Variants in ZFYVE28 observed in about 807,000 individuals in gnomAD.
ZFYVE28 encodes the protein lateral signaling target protein 2 homolog.
A neutral mutation model predicts 82.1 loss-of-function variants in ZFYVE28; 40 were observed. That is an observed-to-expected ratio of 0.49 (90% confidence interval 0.38 to 0.63). The LOEUF (loss-of-function observed/expected upper bound fraction) is 0.63. ZFYVE28 is among the 30% of genes least tolerant of loss of function. The probability of loss-of-function intolerance (pLI) is 0.00; values close to 1 mark genes in which losing one functional copy is unlikely to be tolerated. For missense variants in ZFYVE28, 1,321 were observed against 1,242.1 expected, an observed-to-expected ratio of 1.06 and a Z score of -0.96; for synonymous variants, 612 against 546.1, an observed-to-expected ratio of 1.12 and a Z score of -1.68.
intron 8 of ZFYVE28, among the ~76,000 whole-genome samples, chr4:2,296,956 C>T (rs747017438): frequency 1.6e-4 from 24 of 152,332 alleles, no homozygotes; most frequent in Middle Eastern, 3.4e-3. Context: ...CTCTGTCAGC[C>T]CTGACTGCGC....
Position 2,384,349 on chromosome 4 carries a change from G to A in ZFYVE28, c.40-30276C>T, listed in dbSNP as rs148069525. Among the ~76,000 whole-genome samples, 441 of 152,332 alleles carry A rather than the reference G, an allele frequency of 2.9e-3. 4 individuals carry two copies. The highest frequency in any genetic ancestry group is 9.7e-3 in the African/African-American group (404 of 41,574). ...CCCTACAGATTAAGTTATTCAAGAAGGGTCAGAGGGAAGTGACCACCCGCC... is the reference window on the plus strand; with the variant it reads ...CCCTACAGATTAAGTTATTCAAGAAAGGTCAGAGGGAAGTGACCACCCGCC... On this transcript the variant is annotated intron_variant, in intron 1 of 12. Transcript: ENST00000290974.
intron 1 of ZFYVE28, among the ~76,000 whole-genome samples, chr4:2,412,731 G>A (rs1280533964): frequency 2.0e-5 from 3 of 152,142 alleles, no homozygotes; most frequent in African/African-American, 7.2e-5. Context: ...TCACTTACCA[G>A]CTCTCAGATG....
chr4:2,338,187 C>G (rs1381981344), intron 4 of ZFYVE28, among the ~76,000 whole-genome samples: 2 of 152,248 alleles, frequency 1.3e-5, no homozygotes, highest in African/African-American at 2.4e-5. Context: ...GCCACGGAAG[C>G]CAGCCCAGGC....
chr4:2,410,070 T>G (rs1732356031), intron 1 of ZFYVE28, among the ~76,000 whole-genome samples: 1 of 152,206 alleles, frequency 6.6e-6, no homozygotes, highest in Non-Finnish European at 1.5e-5. Flanking sequence ...GATTATCTGT[T>G]AACCTCAAAA....
Position 2,417,708 on chromosome 4 carries a change from T to C in ZFYVE28, c.39+577A>G, listed in dbSNP as rs997216298. The stretch of plus-strand genomic sequence containing the variant: ...CGTTGGCAGGGCCATCAGGATCCTC[T>C]CTGGACATGGAAGGACGGGTCTGCC... On this transcript the variant is annotated intron_variant, in intron 1 of 12. Transcript: ENST00000290974. The surrounding 1 kb of genome is among the most constrained non-coding windows in gnomAD (Gnocchi z 4.8). 6.6e-6 allele frequency among the ~76,000 whole-genome samples: 1 copy of C among 151,816 alleles called. No homozygotes were observed. Among genetic ancestry groups the C allele is most frequent in the Admixed American group, 6.5e-5 (1 of 15,274 alleles).
Position 2,417,295 on chromosome 4 carries a change from C to T in ZFYVE28, c.39+990G>A, listed in dbSNP as rs1733173436. 6.6e-6 allele frequency among the ~76,000 whole-genome samples: 1 copy of T among 152,178 alleles called. No individual in the cohort carries two copies. Among genetic ancestry groups the T allele is most frequent in the Admixed American group, 6.5e-5 (1 of 15,282 alleles). On this transcript the variant is annotated intron_variant, in intron 1 of 12. Coordinates refer to ENST00000290974, the MANE Select transcript of ZFYVE28 (RefSeq NM_020972.3). The surrounding 1 kb of genome is among the most constrained non-coding windows in gnomAD (Gnocchi z 4.8). ...CCACCCTCGGACGCCCAGATGCGCC[C>T]TGGACCCTGCGCCGGGATCCTGAAC...
intron 8 of ZFYVE28, among the ~76,000 whole-genome samples, chr4:2,301,403 G>C (rs774559401): frequency 7.2e-5 from 11 of 152,202 alleles, no homozygotes; most frequent in Non-Finnish European, 1.5e-4. Context: ...AACATGTACT[G>C]TCCTGATCAC....
At chr4:2,279,446 A>AAC (rs1257211705) in intron 8 of ZFYVE28, among the ~76,000 whole-genome samples, 1 of 151,758 alleles carries the variant, frequency 6.6e-6, no homozygotes, top group African/African-American at 2.4e-5. Context: ...CAAAAACAAA[A>AAC]ACACACCCAT....
intron 1 of ZFYVE28, chr4:2,364,797 C>G: frequency 1.0e-6 from 1 of 985,560 alleles, no homozygotes; most frequent in Non-Finnish European, 1.2e-6. Context: ...GGCCTCCGAG[C>G]GGGTGACTGG....
chr4:2,276,054 C>G (rs1323276355), intron 8 of ZFYVE28, among the ~76,000 whole-genome samples: 2 of 152,266 alleles, frequency 1.3e-5, no homozygotes, highest in African/African-American at 4.8e-5. Flanking sequence ...TGCCTGGTAT[C>G]TAATTTAGGG....
chr4:2,313,454 C>T (rs971048396), intron 7 of ZFYVE28, among the ~76,000 whole-genome samples: 14 of 152,156 alleles, frequency 9.2e-5, no homozygotes, highest in Admixed American at 6.5e-4. Context: ...GACAGTGTTT[C>T]GTCATGTTGC....
chr4:2,277,336 C>T (rs1373447163), intron 8 of ZFYVE28, among the ~76,000 whole-genome samples: 7 of 152,100 alleles, frequency 4.6e-5, no homozygotes, highest in African/African-American at 1.2e-4. Flanking sequence ...AAAAATTAGC[C>T]GGGCGTGGCG....
At chr4:2,273,728 C>A (rs925394722) in intron 9 of ZFYVE28, among the ~76,000 whole-genome samples, 2 of 152,194 alleles carry the variant, frequency 1.3e-5, no homozygotes, top group Non-Finnish European at 2.9e-5. Context: ...GCAGGCACAG[C>A]CCCCCAGCAG....
At chr4:2,298,970 C>T (rs1315890303) in intron 8 of ZFYVE28, among the ~76,000 whole-genome samples, 1 of 152,220 alleles carries the variant, frequency 6.6e-6, no homozygotes, top group East Asian at 1.9e-4. Flanking sequence ...AGAGGAGCAG[C>T]GCGCCTCGCA....
chr4:2,346,095 A>G (rs538024808), intron 2 of ZFYVE28, among the ~76,000 whole-genome samples: 18 of 151,714 alleles, frequency 1.2e-4, no homozygotes, highest in Middle Eastern at 3.4e-3. Flanking sequence ...TTGGGAGGCC[A>G]GGGCGGGTGG....
In ZFYVE28 at chr4:2,274,055, A is replaced by G. The variant is rs1429703445; in HGVS notation, c.2206+7T>C. On this transcript the variant is annotated splice_region_variant and intron_variant, in intron 9 of 12. Transcript: ENST00000290974. The stretch of plus-strand genomic sequence containing the variant: ...CCATGCACCGGTCTCAGGCCCTGAC[A>G]TGACACCTGAAATGCAGACGAACAG... 3.7e-6 allele frequency: 6 copies of G among 1,613,844 alleles called. No individual in the cohort carries two copies. The highest frequency in any genetic ancestry group is 1.7e-5 in the Admixed American group (1 of 60,016).
chr4:2,400,264 G>T (rs1731034203), intron 1 of ZFYVE28, among the ~76,000 whole-genome samples: 1 of 152,242 alleles, frequency 6.6e-6, no homozygotes, highest in African/African-American at 2.4e-5. Context: ...GTCGCAGAAT[G>T]TGTGGAAGTA....
At chr4:2,365,035 A>C (rs1726699030) in intron 1 of ZFYVE28, among the ~76,000 whole-genome samples, 1 of 143,704 alleles carries the variant, frequency 7.0e-6, no homozygotes, top group African/African-American at 2.6e-5. Flanking sequence ...TGGGGGAGGG[A>C]GGTGGAGGGG....
At chr4:2,359,641 CT>C (rs1725836381) in intron 1 of ZFYVE28, among the ~76,000 whole-genome samples, 1 of 152,202 alleles carries the variant, frequency 6.6e-6, no homozygotes, top group Admixed American at 6.5e-5. Context: ...TAGTCTGGGA[CT>C]TTTGGCCTCC....
Sources: allele counts gnomAD v4.1 joint callset (sites outside exome capture counted in the v4.1 genomes callset), GRCh38; gene constraint gnomAD v4.1.1; non-coding constraint Gnocchi (gnomAD v3.1); transcripts MANE v1.5; gene names NCBI Gene and HGNC (gene_info 2026-07-23, HGNC 2026-07-21).